NBEAL1: variants seen among roughly 807,000 people sequenced by gnomAD.
NBEAL1 encodes neurobeachin like 1.
A neutral mutation model predicts 351.3 loss-of-function variants in NBEAL1; 273 were observed. That is an observed-to-expected ratio of 0.78 (90% CI 0.70 to 0.86). NBEAL1 has a LOEUF of 0.86. Among genes scored for constraint, NBEAL1 ranks in the 40% least tolerant of loss-of-function variants. NBEAL1 has a pLI of 0.00. For missense variants in NBEAL1, 2,961 were observed against 3,201.3 expected, an observed-to-expected ratio of 0.92 and a Z score of 1.81; for synonymous variants, 1,050 against 1,086.4, an observed-to-expected ratio of 0.97 and a Z score of 0.66.
Position 203,049,809 on chromosome 2 carries a change from T to C in NBEAL1, c.144-5T>C. ...GCTTCTTATTTTTTTCCCTTTCTGT[T>C]GTAGGGTAGATGATATGCCTCCAGG... On this transcript the variant is annotated splice_polypyrimidine_tract_variant and splice_region_variant and intron_variant, in intron 3 of 55. Coordinates refer to ENST00000683969, the MANE Select transcript of NBEAL1 (RefSeq NM_001378026.1). 6.5e-7 allele frequency: 1 copy of C among 1,539,708 alleles called. No homozygotes were observed. Among genetic ancestry groups the C allele is most frequent in the Non-Finnish European group, 8.8e-7 (1 of 1,140,758 alleles).
intron 35 of NBEAL1, among the ~76,000 whole-genome samples, chr2:203,155,297 C>G (rs2063771585): frequency 6.6e-6 from 1 of 150,754 alleles, no homozygotes; most frequent in South Asian, 2.1e-4. Context: ...CTGTACTTCT[C>G]TATTAGACAT....
chr2:203,145,617 G>A (rs1197554378), intron 33 of NBEAL1, among the ~76,000 whole-genome samples: 1 of 151,932 alleles, frequency 6.6e-6, no homozygotes, highest in Non-Finnish European at 1.5e-5. Context: ...GGCCAACATG[G>A]CGAAACCCCA....
At chr2:203,083,976 C>CTG (rs59252809) in intron 9 of NBEAL1, among the ~76,000 whole-genome samples, 15,701 of 133,992 alleles carry the variant, frequency 0.12, 928 homozygotes, top group African/African-American at 0.17. Flanking sequence ...TCCTCAGAGC[C>CTG]TGTGTGTGTG....
intron 1 of NBEAL1, among the ~76,000 whole-genome samples, chr2:203,015,322 C>T (rs2060659535): frequency 6.6e-6 from 1 of 152,170 alleles, no homozygotes; most frequent in South Asian, 2.1e-4. Flanking sequence ...TGCGTGCCCA[C>T]TTCTCTTGGA....
chr2:203,034,933 AT>A (rs777148797), intron 2 of NBEAL1, among the ~76,000 whole-genome samples: 2 of 149,424 alleles, frequency 1.3e-5, no homozygotes, highest in South Asian at 4.2e-4. Flanking sequence ...TTCAATTCAT[AT>A]TTAAGTTAGG....
intron 12 of NBEAL1, among the ~76,000 whole-genome samples, chr2:203,103,287 T>G (rs1042132277): frequency 6.6e-6 from 1 of 152,102 alleles, no homozygotes; most frequent in Non-Finnish European, 1.5e-5. Context: ...TTCTTTTTTT[T>G]TTTGGAGACA....
intron 53 of NBEAL1, among the ~76,000 whole-genome samples, chr2:203,210,388 G>T (rs1370456080): frequency 6.7e-6 from 1 of 148,808 alleles, no homozygotes; most frequent in African/African-American, 2.5e-5. Flanking sequence ...AAGTCTGGGC[G>T]CAGTGGCTCA....
chr2:203,122,152 T>C (rs1208904757), intron 18 of NBEAL1, 102 bp from the exon 19 acceptor site: 1 of 614,002 alleles, frequency 1.6e-6, no homozygotes, highest in Non-Finnish European at 2.7e-6. Context: ...TATCTTTGAC[T>C]ATCCTATATT....
At chr2:203,120,315 T>G (rs2062800794) in intron 18 of NBEAL1, among the ~76,000 whole-genome samples, 1 of 152,198 alleles carries the variant, frequency 6.6e-6, no homozygotes, top group Non-Finnish European at 1.5e-5. Context: ...GACTCATAAT[T>G]CCATTGAATC....
At position 203,220,739 on chromosome 2, in the gene NBEAL1, T is replaced by C. The variant is rs2065945783; in HGVS notation, c.*3385T>C. On this transcript the variant is annotated 3_prime_UTR_variant, in exon 56 of 56. Coordinates refer to ENST00000683969, the MANE Select transcript of NBEAL1 (RefSeq NM_001378026.1). ...GTATTCTGGCATTACTCAGATAAAA[T>C]TGTAAGAGAGAAAGAAAAATAGATC... Among the ~76,000 whole-genome samples, 1 of 152,104 alleles carries C rather than the reference T, an allele frequency of 6.6e-6. No homozygotes were observed. Among genetic ancestry groups the C allele is most frequent in the African/African-American group, 2.4e-5 (1 of 41,426 alleles).
At chr2:203,162,380 A>G (rs749662960) in intron 36 of NBEAL1, among the ~76,000 whole-genome samples, 22 of 152,128 alleles carry the variant, frequency 1.4e-4, no homozygotes, top group Admixed American at 3.9e-4. Context: ...ATGAGTAGCT[A>G]TGTCCCAAAT....
chr2:203,113,345 A>T, intron 17 of NBEAL1, 27 bp downstream of exon 17: 1 of 1,271,546 alleles, frequency 7.9e-7, no homozygotes, highest in Non-Finnish European at 1.0e-6. Flanking sequence ...ATAATGCTTA[A>T]GCAAATTTAG....
chr2:203,159,636 A>T (rs2063892355), intron 36 of NBEAL1, among the ~76,000 whole-genome samples: 2 of 152,158 alleles, frequency 1.3e-5, no homozygotes, highest in African/African-American at 4.8e-5. Flanking sequence ...TCCATTCATC[A>T]ATCATGAGCA....
chr2:203,164,192 GA>G (rs906745233), intron 36 of NBEAL1, among the ~76,000 whole-genome samples: 19 of 144,792 alleles, frequency 1.3e-4, no homozygotes, highest in Middle Eastern at 3.6e-3. Context: ...ATCTTTGAGA[GA>G]AAAAAAAAAG....
chr2:203,169,204 GT>G (rs1220834764), intron 38 of NBEAL1, among the ~76,000 whole-genome samples: 2 of 151,834 alleles, frequency 1.3e-5, no homozygotes, highest in Non-Finnish European at 1.5e-5. Context: ...ATAATCTACT[GT>G]TTATATGAAA....
intron 53 of NBEAL1, among the ~76,000 whole-genome samples, 177 bp downstream of exon 53, chr2:203,209,499 C>T (rs2065713807): frequency 2.6e-5 from 4 of 152,162 alleles, no homozygotes; most frequent in Non-Finnish European, 1.5e-5. Context: ...ACAATCGTAG[C>T]CTCACATTAG....
rs559866592 is a variant in NBEAL1, at chr2:203,175,124, A to G, written c.6324-23A>G. On this transcript the variant is annotated intron_variant, in intron 41 of 55. Transcript: ENST00000683969. Reference sequence around the variant, plus strand: ...TGTACTTTATTATTGTGGTTTTAAAACTTTAGGATTTTTTCCCCACAGATA... The same window carrying G: ...TGTACTTTATTATTGTGGTTTTAAAGCTTTAGGATTTTTTCCCCACAGATA... 2.4e-5 allele frequency: 38 copies of G among 1,595,846 alleles called. No individual in the cohort carries two copies. The South Asian group carries it at 4.3e-4, about 18-fold the overall frequency.
intron 46 of NBEAL1, among the ~76,000 whole-genome samples, chr2:203,192,963 C>CTCTTTTTTTTTTTTTTT (rs1559053733): frequency 1.0e-5 from 1 of 99,332 alleles, no homozygotes; most frequent in Non-Finnish European, 2.0e-5. Context: ...TTCTTTCTTT[C>CTCTTTTTTTTTTTTTTT]TTTTTTTTTT....
At chr2:203,015,241 G>A (rs2060657648) in intron 1 of NBEAL1, among the ~76,000 whole-genome samples, 1 of 152,182 alleles carries the variant, frequency 6.6e-6, no homozygotes, top group African/African-American at 2.4e-5. Context: ...GTTGTCTTGG[G>A]ATGTGAGGAG....
Sources: allele counts gnomAD v4.1 joint callset (sites outside exome capture counted in the v4.1 genomes callset), GRCh38; gene constraint gnomAD v4.1.1; transcripts MANE v1.5; gene names NCBI Gene and HGNC (gene_info 2026-07-23, HGNC 2026-07-21).